PLCH1: variants seen among roughly 807,000 people sequenced by gnomAD.
PLCH1 encodes the protein 1-phosphatidylinositol 4,5-bisphosphate phosphodiesterase eta-1.
A neutral mutation model predicts 126.7 loss-of-function variants in PLCH1; 60 were observed. The observed-to-expected ratio is 0.47, with a 90% confidence interval of 0.38 to 0.59. PLCH1 has a LOEUF of 0.59. Ranked by LOEUF, PLCH1 falls within the 20% of genes least tolerant of loss-of-function variation. The pLI, the probability that PLCH1 is intolerant of heterozygous loss-of-function variation, is 0.00. For synonymous variants in PLCH1, 719 were observed against 734.9 expected (o/e 0.98, Z 0.35); for missense variants, 1,723 against 2,040.0 (o/e 0.84, Z 2.99).
At chr3:155,727,476 C>G (rs372876273) in intron 1 of PLCH1, among the ~76,000 whole-genome samples, 11 of 152,032 alleles carry the variant, frequency 7.2e-5, no homozygotes, top group South Asian at 2.1e-4. Flanking sequence ...CAACCTCCCC[C>G]TCCTGGGCTC....
chr3:155,649,646 G>A (rs1251395463), intron 2 of PLCH1, among the ~76,000 whole-genome samples: 2 of 152,102 alleles, frequency 1.3e-5, no homozygotes, highest in African/African-American at 2.4e-5. Flanking sequence ...GATGGTAGTG[G>A]GAATTGGGAA....
At chr3:155,700,208 T>TAGC (rs1177989343) in intron 2 of PLCH1, among the ~76,000 whole-genome samples, 2 of 152,182 alleles carry the variant, frequency 1.3e-5, no homozygotes, top group South Asian at 2.1e-4. Flanking sequence ...CATTACAAAC[T>TAGC]AGCAGTCAAG....
intron 14 of PLCH1, among the ~76,000 whole-genome samples, chr3:155,499,768 G>T (rs771740306): frequency 7.9e-5 from 12 of 152,166 alleles, no homozygotes; most frequent in Non-Finnish European, 1.6e-4. Context: ...CACAGCAGAA[G>T]TCTCCCAGCA....
At chr3:155,664,376 G>A (rs1351375417) in intron 2 of PLCH1, among the ~76,000 whole-genome samples, 1 of 152,176 alleles carries the variant, frequency 6.6e-6, no homozygotes, top group Admixed American at 6.5e-5. Flanking sequence ...TGTAACTCAG[G>A]TTCTATAATA....
At chr3:155,611,166 G>A (rs1735038467) in intron 2 of PLCH1, among the ~76,000 whole-genome samples, 1 of 152,190 alleles carries the variant, frequency 6.6e-6, no homozygotes, top group Non-Finnish European at 1.5e-5. Flanking sequence ...TTGGGAGGCA[G>A]ATCACCTGAG....
At chr3:155,736,842 A>G (rs1245119609) in intron 1 of PLCH1, among the ~76,000 whole-genome samples, 2 of 152,012 alleles carry the variant, frequency 1.3e-5, no homozygotes, top group South Asian at 2.1e-4. Context: ...TTCATTTATT[A>G]TTGAAACCCA....
intron 1 of PLCH1, among the ~76,000 whole-genome samples, chr3:155,727,313 T>C (rs559449696): frequency 1.3e-5 from 2 of 150,892 alleles, no homozygotes; most frequent in Admixed American, 1.3e-4. Context: ...TAGTCTGAGA[T>C]AAAAAATAGA....
At position 155,481,065 on chromosome 3, in the gene PLCH1, T is replaced by A. The variant is rs777162193; in HGVS notation, c.4961A>T (p.Tyr1654Phe). 3 of 1,613,912 alleles carry A rather than the reference T, an allele frequency of 1.9e-6. No homozygotes were observed. In the East Asian group the frequency reaches 6.7e-5, roughly 36 times the overall value. Residue 1654 changes from tyrosine to phenylalanine, a missense_variant, in exon 23 of 23, where the codon TAT becomes TTT. Coordinates refer to ENST00000460012, the MANE Select transcript of PLCH1 (RefSeq NM_014996.4). This position sits in a 1 kb window ranked among gnomAD's most constrained non-coding sequence, Gnocchi z 4.2. The part of the protein sequence containing the change: ...IPEGACTALH[Y>F]GHVDQFCSDN... ...TGAACAAAACTGGTCAACGTGGCCA[T>A]AGTGAAGAGCCGTGCATGCCCCCTC...
At chr3:155,652,515 T>G (rs1740828434) in intron 2 of PLCH1, among the ~76,000 whole-genome samples, 1 of 152,222 alleles carries the variant, frequency 6.6e-6, no homozygotes, top group Non-Finnish European at 1.5e-5. Context: ...TTGAACACAT[T>G]CGCATTTTAT....
intron 21 of PLCH1, chr3:155,456,649 C>T (rs1373621427): frequency 2.6e-5 from 4 of 152,248 alleles, no homozygotes; most frequent in Admixed American, 2.0e-4. Context: ...AACTCAGATT[C>T]CTCCCTGAAC....
chr3:155,680,682 T>C (rs1744441474), intron 2 of PLCH1, among the ~76,000 whole-genome samples: 1 of 152,232 alleles, frequency 6.6e-6, no homozygotes, highest in Non-Finnish European at 1.5e-5. Flanking sequence ...AAAATGGTTA[T>C]GCTTATTTTA....
At chr3:155,563,237 T>C (rs1727872127) in intron 8 of PLCH1, among the ~76,000 whole-genome samples, 1 of 152,172 alleles carries the variant, frequency 6.6e-6, no homozygotes, top group South Asian at 2.1e-4. Flanking sequence ...AACTACCACA[T>C]ACCAAGTTCA....
At chr3:155,624,118 T>C (rs189925069) in intron 2 of PLCH1, among the ~76,000 whole-genome samples, 71 of 152,214 alleles carry the variant, frequency 4.7e-4, no homozygotes, top group African/African-American at 1.6e-3. Context: ...ATAAATGTAA[T>C]CCATCACATA....
rs113717091 is a variant in PLCH1 at position 155,701,955 on chromosome 3, A to G, written c.79+2191T>C. Among the ~76,000 whole-genome samples, 1,023 of 152,336 alleles carry G rather than the reference A, an allele frequency of 6.7e-3. 4 individuals carry two copies. Among genetic ancestry groups the G allele is most frequent in the Non-Finnish European group, 0.011 (738 of 68,022 alleles). On this transcript the variant is annotated intron_variant, in intron 2 of 22. Transcript: ENST00000460012. ...ATATAAAGCTATTGCTGTATTATAA[A>G]TGAATAGAATCATTGTTCTAATCGG...
At chr3:155,519,082 C>T (rs1041087471) in intron 11 of PLCH1, among the ~76,000 whole-genome samples, 3 of 152,222 alleles carry the variant, frequency 2.0e-5, no homozygotes, top group Admixed American at 6.5e-5. Context: ...AAATTGGCAG[C>T]TGTGAAGAAC....
At chr3:155,662,718 G>A (rs1742307674) in intron 2 of PLCH1, among the ~76,000 whole-genome samples, 1 of 152,072 alleles carries the variant, frequency 6.6e-6, no homozygotes, top group Admixed American at 6.6e-5. Flanking sequence ...TGACTGGAGT[G>A]CAGTGGCGCA....
At position 155,728,928 on chromosome 3, in the gene PLCH1, T is replaced by C. The variant is rs1748544133; in HGVS notation, c.-41+15912A>G. ...ACATATTTGATTGCATCTGAAGATG[T>C]TTCTTGATGACATACAAACAGCAGA... On this transcript the variant is annotated intron_variant, in intron 1 of 22. Transcript: ENST00000460012. Among the ~76,000 whole-genome samples, 4 of 152,200 alleles carry C rather than the reference T, an allele frequency of 2.6e-5. No individual in the cohort carries two copies. In the South Asian group the frequency reaches 8.3e-4, roughly 32 times the overall value.
chr3:155,592,787 T>C (rs1261204869), intron 4 of PLCH1, among the ~76,000 whole-genome samples: 2 of 152,180 alleles, frequency 1.3e-5, no homozygotes, highest in African/African-American at 2.4e-5. Flanking sequence ...CCAGAAAACA[T>C]TCAGTATTTT....
chr3:155,454,335 C>CA (rs1483229998), intron 21 of PLCH1, among the ~76,000 whole-genome samples: 1 of 151,768 alleles, frequency 6.6e-6, no homozygotes, highest in Non-Finnish European at 1.5e-5. Flanking sequence ...AGCATCTCAA[C>CA]AAAAAAATAC....
Sources: gnomAD v4.1 joint callset for allele counts (sites outside exome capture counted in the v4.1 genomes callset) on GRCh38, gnomAD v4.1.1 for gene constraint, Gnocchi (gnomAD v3.1) non-coding constraint, MANE v1.5 for transcripts, NCBI Gene and HGNC (gene_info 2026-07-23, HGNC 2026-07-21) for gene names.